The following EIF2S3B variants were observed in gnomAD, a reference collection of about 807,000 sequenced individuals.
The protein encoded by EIF2S3B is eukaryotic translation initiation factor 2 subunit 3B.
EIF2S3B carries 16 observed loss-of-function variants against 26.4 expected under a neutral mutation model. The ratio of observed to expected loss-of-function variants is 0.61; its 90% CI spans 0.41 to 0.92. The LOEUF (loss-of-function observed/expected upper bound fraction) is 0.92, where lower values mean the gene tolerates loss of function less well. Among genes scored for constraint, EIF2S3B ranks in the 40% least tolerant of loss-of-function variants. The pLI is 0.00. For missense variants in EIF2S3B, 510 were observed against 575.5 expected (o/e 0.89, Z 1.16); for synonymous variants, 183 against 204.4 (o/e 0.90, Z 0.89).
Position 10,507,454 on chromosome 12 carries a change from G to A in EIF2S3B, c.*133G>A. ...TTGTTACCTTAGTAGGTAACGGTAA[G>A]GTTATTCTCTCTTTTTTTTTTTGGT... On this transcript the variant is annotated 3_prime_UTR_variant, in exon 1 of 1. Coordinates refer to ENST00000538173, the MANE Select transcript of EIF2S3B (RefSeq NM_001357734.3). 9.6e-7 allele frequency: 1 copy of A among 1,036,574 alleles called. No homozygotes were observed. The allele number at this position is 1,036,574 out of a possible 1,614,324, so 64.2% of individuals were successfully genotyped here.
intron 1 of EIF2S3B, among the ~76,000 whole-genome samples, chr12:10,515,511 T>A (rs2417900): frequency 0.56 from 85,548 of 151,726 alleles, 24,541 homozygotes; most frequent in East Asian, 0.75. Context: ...AAAACTGATG[T>A]GAAATATATC....
At chr12:10,518,312 T>A (rs981591423) in intron 1 of EIF2S3B, among the ~76,000 whole-genome samples, 1 of 152,178 alleles carries the variant, frequency 6.6e-6, no homozygotes, top group Non-Finnish European at 1.5e-5. Flanking sequence ...TGCATATATA[T>A]TTAGGATAGT....
rs777030589 is a variant in EIF2S3B, at chr12:10,506,394, T to C, written c.492T>C (p.Ser164=). Residue 164 remains serine, a synonymous_variant, in exon 1 of 1, where the codon TCT becomes TCC. Transcript: ENST00000538173. The stretch of plus-strand genomic sequence containing the variant: ...TTCTGTTGATAGCTGGTAATGAATC[T>C]TGCCCTCAGCCTCAGACATCTGAAC... ...AALLLIAGNE[S]CPQPQTSEHL... 9.3e-6 allele frequency: 15 copies of C among 1,613,944 alleles called. No homozygotes were observed. Among genetic ancestry groups the C allele is most frequent in the Non-Finnish European group, 1.3e-5 (15 of 1,179,948 alleles).
At chr12:10,521,285 G>C (rs1297543936) in intron 1 of EIF2S3B, among the ~76,000 whole-genome samples, 1 of 151,956 alleles carries the variant, frequency 6.6e-6, no homozygotes, top group African/African-American at 2.4e-5. Context: ...TAGAGAATGG[G>C]AAAAATGAAC....
intron 1 of EIF2S3B, among the ~76,000 whole-genome samples, chr12:10,516,440 G>C (rs1408957082): frequency 6.6e-6 from 1 of 152,006 alleles, no homozygotes; most frequent in African/African-American, 2.4e-5. Flanking sequence ...CTCAGAATTA[G>C]AGCAAAATGA....
chr12:10,512,092 A>G (rs1864710407), downstream of EIF2S3B, among the ~76,000 whole-genome samples: 1 of 152,208 alleles, frequency 6.6e-6, no homozygotes, highest in South Asian at 2.1e-4. Flanking sequence ...TAGACCTGAA[A>G]TTAAAAGACA....
intron 1 of EIF2S3B, among the ~76,000 whole-genome samples, chr12:10,518,358 C>T (rs1864788714): frequency 6.6e-6 from 1 of 152,096 alleles, no homozygotes; most frequent in African/African-American, 2.4e-5. Flanking sequence ...TAGGTAATGG[C>T]CTTCTTTGTG....
intron 1 of EIF2S3B, among the ~76,000 whole-genome samples, chr12:10,513,933 T>C (rs1227124309): frequency 6.6e-6 from 1 of 152,112 alleles, no homozygotes; most frequent in African/African-American, 2.4e-5. Flanking sequence ...GAGAATCACT[T>C]GAACCTGGGA....
Position 10,507,143 on chromosome 12 carries a change from G to A in EIF2S3B, c.1241G>A (p.Gly414Glu). The change falls in exon 1 of 1, where the codon GGA becomes GAA. Residue 414 changes from glycine (G) to glutamate (E), a missense_variant. Physicochemically the swap from Gly to Glu is moderately conservative, Grantham distance 98. Transcript: ENST00000538173. The stretch of plus-strand genomic sequence containing the variant: ...GTGAACATAGGATCCCTGTCGACAG[G>A]AGGGAGAGTTAGTGCTGTCAAGGCC... ...LMVNIGSLSTGGRVSAVKADL... is the reference protein window; with the variant it reads ...LMVNIGSLSTEGRVSAVKADL... The A allele has an allele frequency of 3.1e-6, 5 of 1,613,858 alleles. No homozygotes were observed. In the South Asian group the frequency reaches 5.5e-5, roughly 18 times the overall value.
At chr12:10,511,145 A>G (rs1591634216), downstream of EIF2S3B, among the ~76,000 whole-genome samples, 1 of 152,266 alleles carries the variant, frequency 6.6e-6, no homozygotes, top group South Asian at 2.1e-4. Flanking sequence ...TACTCAGTAC[A>G]TATTTGTACT....
chr12:10,507,491 AG>A lies in EIF2S3B; in HGVS notation c.*173del. 1 of 742,194 alleles carries A rather than the reference AG, an allele frequency of 1.3e-6. No homozygotes were observed. Among genetic ancestry groups the A allele is most frequent in the Non-Finnish European group, 2.2e-6 (1 of 461,698 alleles). The allele number at this position is 742,194 out of a possible 1,614,324, so 46.0% of individuals were successfully genotyped here. On this transcript the variant is annotated 3_prime_UTR_variant, in exon 1 of 1. Transcript: ENST00000538173. ...TTTTTTTTTTTGGTTATGAAAACTTAGGGACTACAATTAGTATAAAAATTGG... is the reference window on the plus strand; with the variant it reads ...TTTTTTTTTTTGGTTATGAAAACTTAGGACTACAATTAGTATAAAAATTGG...
chr12:10,514,447 G>C (rs144934890), intron 1 of EIF2S3B, among the ~76,000 whole-genome samples: 1 of 151,868 alleles, frequency 6.6e-6, no homozygotes, highest in Non-Finnish European at 1.5e-5. Context: ...TATATATCCA[G>C]TCTAGGTATC....
At chr12:10,511,318 T>C (rs1055971241), downstream of EIF2S3B, among the ~76,000 whole-genome samples, 1 of 152,092 alleles carries the variant, frequency 6.6e-6, no homozygotes, top group Non-Finnish European at 1.5e-5. Context: ...ATTATCATCA[T>C]TTACTGAATT....
rs552401838 is a variant in EIF2S3B, at chr12:10,507,670, G to A, written c.*349G>A. 1.4e-3 allele frequency among the ~76,000 whole-genome samples: 213 copies of A among 152,238 alleles called. No homozygotes were observed. Among genetic ancestry groups the A allele is most frequent in the Non-Finnish European group, 2.4e-3 (166 of 68,014 alleles). ...AGGCTGGCATGTAGTGGCATGATCT[G>A]CAATCTCTGCCTCCCAGGTTCAAGC... On this transcript the variant is annotated 3_prime_UTR_variant, in exon 1 of 1. Transcript: ENST00000538173.
Position 10,506,930 on chromosome 12 carries a change from T to C in EIF2S3B, c.1028T>C (p.Ile343Thr), listed in dbSNP as rs772798317. 7.4e-6 allele frequency: 12 copies of C among 1,613,854 alleles called. No individual in the cohort carries two copies. The highest frequency in any genetic ancestry group is 6.6e-5 in the South Asian group (6 of 91,070). ...PGGLIGVGTK[I>T]DPTLCRADRM... ...GGTCTTATTGGAGTTGGAACAAAAA[T>C]TGACCCCACTTTGTGCCGGGCTGAC... Residue 343 changes from isoleucine to threonine, a missense_variant, in exon 1 of 1, where the codon ATT (isoleucine) becomes ACT (threonine). Ile to Thr is a moderately conservative substitution (Grantham distance 89). Coordinates refer to ENST00000538173, the MANE Select transcript of EIF2S3B (RefSeq NM_001357734.3).
chr12:10,515,355 T>C (rs1267893279), intron 1 of EIF2S3B, among the ~76,000 whole-genome samples: 1 of 151,982 alleles, frequency 6.6e-6, no homozygotes, highest in Non-Finnish European at 1.5e-5. Context: ...AGCTGATAAT[T>C]TAAAAAAAAA....
At chr12:10,510,916 A>T (rs1304045558), downstream of EIF2S3B, among the ~76,000 whole-genome samples, 3 of 152,236 alleles carry the variant, frequency 2.0e-5, no homozygotes, top group Non-Finnish European at 4.4e-5. Context: ...ACAAGCAAGT[A>T]AAATTTACTT....
rs777133183 is a variant in EIF2S3B, at chr12:10,506,195, G to A, written c.293G>A (p.Arg98Gln). 1.5e-5 allele frequency: 23 copies of A among 1,582,854 alleles called. No homozygotes were observed. Among genetic ancestry groups the A allele is most frequent in the African/African-American group, 1.3e-5 (1 of 74,224 alleles). ...CAACTTGATGACCCAAGTTGCCCTC[G>A]GCCAGAATGTTATCGATCTTGTGGG... ...IYQLDDPSCP[R>Q]PECYRSCGSS... Residue 98 changes from arginine (R) to glutamine (Q), a missense_variant, in exon 1 of 1, where the codon CGG (arginine) becomes CAG (glutamine). Transcript: ENST00000538173.
rs773699541 is a variant in EIF2S3B at position 10,507,129 on chromosome 12, A to C, written c.1227A>C (p.Gly409=). The C allele has an allele frequency of 1.2e-6, 2 of 1,613,728 alleles. No individual in the cohort carries two copies. The highest frequency in any genetic ancestry group is 2.7e-5 in the African/African-American group (2 of 74,926). ...SKNEVLMVNI[G]SLSTGGRVSA... The stretch of plus-strand genomic sequence containing the variant: ...ATGAAGTGCTCATGGTGAACATAGG[A>C]TCCCTGTCGACAGGAGGGAGAGTTA... Residue 409 remains glycine (G), a synonymous_variant, in exon 1 of 1, where the codon GGA becomes GGC. Coordinates refer to ENST00000538173, the MANE Select transcript of EIF2S3B (RefSeq NM_001357734.3).
Sources: gnomAD v4.1 joint callset for allele counts (sites outside exome capture counted in the v4.1 genomes callset) on GRCh38, gnomAD v4.1.1 for gene constraint, MANE v1.5 for transcripts, NCBI Gene and HGNC (gene_info 2026-07-23, HGNC 2026-07-21) for gene names.